The following MCMDC2 variants were observed in gnomAD, a reference collection of about 807,000 sequenced individuals.
MCMDC2 encodes minichromosome maintenance domain containing 2.
In MCMDC2, 54 loss-of-function variants were observed where a neutral mutation model predicts 75.8. The ratio of observed to expected loss-of-function variants is 0.71; its 90% confidence interval spans 0.57 to 0.89. The LOEUF is 0.89. Among genes scored for constraint, MCMDC2 ranks in the 40% least tolerant of loss-of-function variants. The pLI, the probability that MCMDC2 is intolerant of heterozygous loss-of-function variation, is 0.00. For missense variants in MCMDC2, 656 were observed against 780.4 expected, an observed-to-expected ratio of 0.84 and a Z score of 1.90; for synonymous variants, 249 against 274.6, an observed-to-expected ratio of 0.91 and a Z score of 0.92.
chr8:66,876,488 A>G (rs1811287739), intron 4 of MCMDC2, among the ~76,000 whole-genome samples: 1 of 152,064 alleles, frequency 6.6e-6, no homozygotes, highest in African/African-American at 2.4e-5. Context: ...TGATGCTCAT[A>G]TTAGCCTACC....
chr8:66,874,583 G>A lies in MCMDC2; in HGVS notation c.282G>A (p.Thr94=), dbSNP rs138140068. 125 of 1,611,266 alleles carry A rather than the reference G, an allele frequency of 7.8e-5. No individual in the cohort carries two copies. The African/African-American group carries it at 9.3e-4, about 12-fold the overall frequency. The change falls in exon 4 of 15, where the codon ACG becomes ACA. Residue 94 remains threonine, a synonymous_variant. Coordinates refer to ENST00000422365, the MANE Select transcript of MCMDC2 (RefSeq NM_173518.5). ...LSLIGQLQTE[T]QINIVLKLTH... is the part of the protein sequence containing the mutation. ...TAATTGGACAATTGCAGACTGAAAC[G>A]CAAGTAAGTTTTAGTTACATTTAAG...
intron 14 of MCMDC2, 115 bp from the exon 15 acceptor site, chr8:66,918,887 TG>T: frequency 2.2e-6 from 2 of 903,372 alleles, no homozygotes; most frequent in Non-Finnish European, 3.1e-6. Context: ...CAGAACCACA[TG>T]GGCTCAGACT....
chr8:66,912,592 A>C (rs113962669), intron 14 of MCMDC2, among the ~76,000 whole-genome samples: 10,427 of 152,296 alleles, frequency 0.068, 441 homozygotes, highest in Middle Eastern at 0.13. Flanking sequence ...ACACCATGGA[A>C]TATTATGCAG....
chr8:66,902,533 A>T (rs921828579), intron 13 of MCMDC2, among the ~76,000 whole-genome samples: 16 of 151,248 alleles, frequency 1.1e-4, no homozygotes, highest in African/African-American at 2.9e-4. Context: ...TACCAAAAAA[A>T]TACAAAAAAA....
rs1813428681 is a variant in MCMDC2, at chr8:66,919,161, G to A, written c.2038G>A (p.Asp680Asn). ...ACCTGGGACAACTATTTTCTCTAGT[G>A]ATGAATAAGCAATTTGAGGAATTTT... ...YGPGTTIFSS[D>N]E Residue 680 changes from aspartate to asparagine, a missense_variant, in exon 15 of 15, where the codon GAT becomes AAT. Coordinates refer to ENST00000422365, the MANE Select transcript of MCMDC2 (RefSeq NM_173518.5). The A allele has an allele frequency of 6.5e-7, 1 of 1,538,596 alleles. No homozygotes were observed.
chr8:66,918,904 T>A, intron 14 of MCMDC2, 99 bp from the exon 15 acceptor site: 2 of 1,102,156 alleles, frequency 1.8e-6, no homozygotes, highest in Non-Finnish European at 2.4e-6. Context: ...AGACTTAATT[T>A]TTAAGATTCC....
intron 5 of MCMDC2, 80 bp downstream of exon 5, chr8:66,877,624 G>A: frequency 9.7e-7 from 1 of 1,031,100 alleles, no homozygotes; most frequent in Non-Finnish European, 1.4e-6. Context: ...CTGCACTTTG[G>A]GAAGCTGAGG....
chr8:66,895,712 A>G (rs1199331349), intron 10 of MCMDC2, among the ~76,000 whole-genome samples: 1 of 151,944 alleles, frequency 6.6e-6, no homozygotes, highest in African/African-American at 2.4e-5. Flanking sequence ...GGGGACAATG[A>G]ATTTGGCTTT....
intron 5 of MCMDC2, 130 bp downstream of exon 5, chr8:66,877,674 G>A (rs1811357751): frequency 2.0e-5 from 12 of 599,064 alleles, no homozygotes; most frequent in Non-Finnish European, 3.0e-5. Flanking sequence ...AGACCAGCCT[G>A]GGCAACATGG....
rs569729255 is a variant in MCMDC2 at position 66,919,421 on chromosome 8, AAGG to A, written c.*255_*257del. The A allele has an allele frequency of 8.1e-4, 213 of 262,588 alleles. No individual in the cohort carries two copies. The Admixed American group carries it at 9.5e-3, about 12-fold the overall frequency. 16.3% of individuals were successfully genotyped at this position (262,588 alleles called of 1,614,324 possible). ...GACAATTTAAAGTGATAAAGTTGTC[AAGG>A]AGAATACTATAAAGAAAAACCTGGT... is the stretch of plus-strand genomic sequence containing the variant. On this transcript the variant is annotated 3_prime_UTR_variant, in exon 15 of 15. Coordinates refer to ENST00000422365, the MANE Select transcript of MCMDC2 (RefSeq NM_173518.5).
chr8:66,925,638 G>C (rs1350041016), downstream of MCMDC2: 2 of 152,358 alleles, frequency 1.3e-5, no homozygotes, highest in Non-Finnish European at 2.9e-5. Context: ...GGGGGGCTGA[G>C]TGCACCGGCT....
In MCMDC2 at chr8:66,901,701, A is replaced by G. The variant is rs542900775; in HGVS notation, c.1769+353A>G. 6.0e-5 allele frequency: 55 copies of G among 910,158 alleles called. No individual in the cohort carries two copies. In the South Asian group the frequency reaches 2.4e-3, roughly 40 times the overall value. 56.4% of individuals were successfully genotyped at this position (910,158 alleles called of 1,614,324 possible). On this transcript the variant is annotated intron_variant, in intron 13 of 14. Coordinates refer to ENST00000422365, the MANE Select transcript of MCMDC2 (RefSeq NM_173518.5). ...AATCCCAGCACTTTGGGAGTCCGAGAGGGCAGATTGCCTGAGGTCAGGAGT... is the reference window on the plus strand; with the variant it reads ...AATCCCAGCACTTTGGGAGTCCGAGGGGGCAGATTGCCTGAGGTCAGGAGT...
Position 66,896,222 on chromosome 8 carries a change from G to C in MCMDC2, c.1332G>C (p.Glu444Asp). Residue 444 changes from glutamate (E) to aspartate (D), a missense_variant, in exon 11 of 15, where the codon GAG (glutamate) becomes GAC (aspartate). Glu to Asp is a conservative substitution (Grantham distance 45). Transcript: ENST00000422365. ...ACATCCCAGGAAAGAAGTTTGGGGA[G>C]GATATTGATCAACAGATGACTTTTC... Reference protein sequence around the residue: ...TVYIPGKKFGEDIDQQMTFPV... With the variant: ...TVYIPGKKFGDDIDQQMTFPV... The C allele has an allele frequency of 1.2e-6, 2 of 1,612,614 alleles. No individual in the cohort carries two copies. The highest frequency in any genetic ancestry group is 1.7e-6 in the Non-Finnish European group (2 of 1,179,744).
intron 7 of MCMDC2, 99 bp downstream of exon 7, chr8:66,879,018 G>A: frequency 1.4e-6 from 1 of 728,142 alleles, no homozygotes; most frequent in South Asian, 1.6e-5. Flanking sequence ...CACTTTTGGA[G>A]GCTGAGGTGG....
intron 10 of MCMDC2, among the ~76,000 whole-genome samples, chr8:66,893,896 G>C (rs1184950209): frequency 6.6e-6 from 1 of 152,162 alleles, no homozygotes; most frequent in Admixed American, 6.5e-5. Context: ...GGCCCTGCTA[G>C]TATGTCCTCT....
intron 11 of MCMDC2, 139 bp downstream of exon 11, chr8:66,896,475 T>A: frequency 1.3e-6 from 1 of 793,684 alleles, no homozygotes; most frequent in Non-Finnish European, 1.9e-6. Flanking sequence ...CCCAGTTGTT[T>A]AAAAATTGTA....
chr8:66,913,328 TG>T (rs1286083754), intron 14 of MCMDC2, among the ~76,000 whole-genome samples: 1 of 152,218 alleles, frequency 6.6e-6, no homozygotes, highest in Non-Finnish European at 1.5e-5. Context: ...TGACGTGGCT[TG>T]CTTTATTGTG....
intron 12 of MCMDC2, among the ~76,000 whole-genome samples, chr8:66,900,386 C>T (rs1014705985): frequency 1.1e-4 from 17 of 151,762 alleles, no homozygotes; most frequent in African/African-American, 2.4e-4. Flanking sequence ...TGCAGTGAGC[C>T]GAGTTTGCGC....
Position 66,880,970 on chromosome 8 carries a change from A to G in MCMDC2, c.831A>G (p.Ser277=), listed in dbSNP as rs1811530564. 3 of 1,507,260 alleles carry G rather than the reference A, an allele frequency of 2.0e-6. No individual in the cohort carries two copies. The highest frequency in any genetic ancestry group is 2.6e-6 in the Non-Finnish European group (3 of 1,133,112). 93.4% of individuals were successfully genotyped at this position (1,507,260 alleles called of 1,614,324 possible). A position where few individuals can be genotyped will look rare whatever the true frequency, so the allele number is the denominator to read the frequency against. ...CAAATAGCATAACTTTTTGTAATTC[A>G]AAAGGTAAGGAAAATTTTAGTATTA... ...IEANSITFCN[S]KVPSGISDNF... The change falls in exon 8 of 15, where the codon TCA becomes TCG. Residue 277 remains serine (S), a synonymous_variant. Coordinates refer to ENST00000422365, the MANE Select transcript of MCMDC2 (RefSeq NM_173518.5).
Sources: allele counts gnomAD v4.1 joint callset (sites outside exome capture counted in the v4.1 genomes callset), GRCh38; gene constraint gnomAD v4.1.1; transcripts MANE v1.5; gene names NCBI Gene and HGNC (gene_info 2026-07-23, HGNC 2026-07-21).